POFUT1: variants seen among roughly 807,000 people sequenced by gnomAD.
POFUT1 encodes GDP-fucose protein O-fucosyltransferase 1.
Under a neutral mutation model 42.4 loss-of-function variants are expected in POFUT1, and 16 were observed. The ratio of observed to expected loss-of-function variants is 0.38; its 90% CI spans 0.26 to 0.57. The LOEUF is 0.57. POFUT1 is among the 20% of genes least tolerant of loss of function. POFUT1 has a pLI of 0.71. For missense variants in POFUT1, 470 were observed against 504.6 expected, an observed-to-expected ratio of 0.93 and a Z score of 0.66; for synonymous variants, 206 against 205.4, an observed-to-expected ratio of 1.00 and a Z score of -0.03.
chr20:32,222,251 G>A (rs979617292), intron 4 of POFUT1, among the ~76,000 whole-genome samples: 5 of 152,126 alleles, frequency 3.3e-5, no homozygotes, highest in South Asian at 2.1e-4. Context: ...TGCAGTGAGC[G>A]GAGATCCTGC....
rs765226682 is a variant in POFUT1 at position 32,234,691 on chromosome 20, C to G, written c.*30C>G. 8 of 1,558,216 alleles carry G rather than the reference C, an allele frequency of 5.1e-6. No homozygotes were observed. Among genetic ancestry groups the G allele is most frequent in the Non-Finnish European group, 7.0e-6 (8 of 1,148,178 alleles). Reference sequence around the variant, plus strand: ...GGCCGGAGCACCAGACCCTCTGATCCTGGAGGGACCAGAGTCTGAGCTGGT... The same window carrying G: ...GGCCGGAGCACCAGACCCTCTGATCGTGGAGGGACCAGAGTCTGAGCTGGT... On this transcript the variant is annotated 3_prime_UTR_variant, in exon 7 of 7. Coordinates refer to ENST00000375749, the MANE Select transcript of POFUT1 (RefSeq NM_015352.2).
At chr20:32,221,363 A>G (rs186130630) in intron 4 of POFUT1, among the ~76,000 whole-genome samples, 7 of 152,216 alleles carry the variant, frequency 4.6e-5, no homozygotes, top group East Asian at 3.9e-4. Context: ...TGTCCCATCT[A>G]TAAAATGAAG....
At chr20:32,218,282 A>G (rs922156114) in intron 4 of POFUT1, among the ~76,000 whole-genome samples, 2 of 152,162 alleles carry the variant, frequency 1.3e-5, no homozygotes, top group African/African-American at 4.8e-5. Context: ...GAGTGCAGGC[A>G]TGTGCCACCA....
intron 4 of POFUT1, among the ~76,000 whole-genome samples, chr20:32,226,335 A>G (rs2047414622): frequency 6.6e-6 from 1 of 152,160 alleles, no homozygotes; most frequent in Admixed American, 6.5e-5. Context: ...AATTTCCCCC[A>G]ATGGTAACAT....
intron 5 of POFUT1, among the ~76,000 whole-genome samples, chr20:32,230,530 A>G (rs771159572): frequency 1.3e-5 from 2 of 151,022 alleles, no homozygotes; most frequent in African/African-American, 2.4e-5. Context: ...CTCCATCTCT[A>G]CTAAAAATAC....
chr20:32,223,145 A>G, intron 4 of POFUT1: 1 of 985,454 alleles, frequency 1.0e-6, no homozygotes, highest in African/African-American at 1.7e-5. Flanking sequence ...CATGGTGGTG[A>G]AGAATCCCAG....
chr20:32,232,969 C>T (rs1217420134), intron 6 of POFUT1, among the ~76,000 whole-genome samples: 1 of 152,170 alleles, frequency 6.6e-6, no homozygotes, highest in Non-Finnish European at 1.5e-5. Context: ...CATTCTAGAC[C>T]CAGGAAAAGA....
At position 32,237,710 on chromosome 20, in the gene POFUT1, C is replaced by T. The variant is rs1349704947; in HGVS notation, c.*3049C>T. The stretch of plus-strand genomic sequence containing the variant: ...CTGATTCACATTCTGAAGGACCTCT[C>T]TAGCTGGCCAGTGCTGAGGAGGTTG... On this transcript the variant is annotated 3_prime_UTR_variant, in exon 7 of 7. Coordinates refer to ENST00000375749, the MANE Select transcript of POFUT1 (RefSeq NM_015352.2). The T allele has an allele frequency of 2.0e-6, 1 of 511,504 alleles. No individual in the cohort carries two copies. The highest frequency in any genetic ancestry group is 4.0e-6 in the Non-Finnish European group (1 of 247,104). 31.7% of individuals were successfully genotyped at this position (511,504 alleles called of 1,614,324 possible). A position where few individuals can be genotyped will look rare whatever the true frequency, so the allele number is the denominator to read the frequency against.
Position 32,207,953 on chromosome 20 carries a change from C to T in POFUT1, c.12C>T (p.Ala4=). 1.3e-6 allele frequency: 2 copies of T among 1,589,144 alleles called. No individual in the cohort carries two copies. Among genetic ancestry groups the T allele is most frequent in the Middle Eastern group, 1.9e-4 (1 of 5,368 alleles). The change falls in exon 1 of 7, where the codon GCC becomes GCT. Residue 4 remains alanine, a synonymous_variant. Transcript: ENST00000375749. MGA[A]AWARPLSVSF... ...GTTCCCGGGCCGACATGGGCGCCGC[C>T]GCGTGGGCACGGCCGCTGAGCGTGT...
chr20:32,217,127 T>C (rs1009612192), intron 4 of POFUT1: 11 of 1,590,066 alleles, frequency 6.9e-6, no homozygotes, highest in Non-Finnish European at 9.4e-6. Context: ...ATTGGACGTG[T>C]TTATTAATTG....
chr20:32,234,255 GGT>G (rs549273235), intron 6 of POFUT1, among the ~76,000 whole-genome samples: 121 of 152,368 alleles, frequency 7.9e-4, no homozygotes, highest in Middle Eastern at 3.4e-3. Context: ...AGGTGTGAAT[GGT>G]GTGTTTGGAG....
intron 4 of POFUT1, among the ~76,000 whole-genome samples, chr20:32,225,726 G>C (rs1004786995): frequency 1.1e-4 from 17 of 152,054 alleles, no homozygotes; most frequent in African/African-American, 4.1e-4. Flanking sequence ...CTGGGCTCAA[G>C]TGATCTGCCC....
chr20:32,228,488 T>C, intron 5 of POFUT1, 33 bp downstream of exon 5: 1 of 1,592,462 alleles, frequency 6.3e-7, no homozygotes, highest in Non-Finnish European at 8.6e-7. Flanking sequence ...ACTGGCTAAC[T>C]TGGATGTGTC....
chr20:32,232,297 A>T (rs915206848), intron 6 of POFUT1, among the ~76,000 whole-genome samples: 5 of 148,732 alleles, frequency 3.4e-5, no homozygotes. Context: ...CGAGACCCCC[A>T]TCTCTATTTA....
chr20:32,213,503 T>C (rs894876539), intron 2 of POFUT1, among the ~76,000 whole-genome samples: 1 of 149,370 alleles, frequency 6.7e-6, no homozygotes, highest in Non-Finnish European at 1.5e-5. Context: ...CTGGGCGCAG[T>C]GGCTCACGCC....
chr20:32,222,969 A>C (rs1271418418), intron 4 of POFUT1: 6 of 984,978 alleles, frequency 6.1e-6, no homozygotes, highest in Non-Finnish European at 7.2e-6. Context: ...GCAGTCCTTC[A>C]TGGCAGGGAC....
Position 32,230,874 on chromosome 20 carries a change from C to T in POFUT1, c.791C>T (p.Ser264Phe), listed in dbSNP as rs770760603. 10 of 1,614,190 alleles carry T rather than the reference C, an allele frequency of 6.2e-6. No homozygotes were observed. Among genetic ancestry groups the T allele is most frequent in the Middle Eastern group, 1.6e-4 (1 of 6,062 alleles). ...ACTGCAGGCTCGCACTTCATGGCCTCTCCGCAGTGTGTGGGCTACAGCCGC... is the reference window on the plus strand; with the variant it reads ...ACTGCAGGCTCGCACTTCATGGCCTTTCCGCAGTGTGTGGGCTACAGCCGC... ...DGTAGSHFMA[S>F]PQCVGYSRST... is the part of the protein sequence containing the mutation. The change falls in exon 6 of 7, where the codon TCT becomes TTT. Residue 264 changes from serine to phenylalanine, a missense_variant. Physicochemically the swap from Ser to Phe is radical, Grantham distance 155. Transcript: ENST00000375749.
chr20:32,216,553 T>TCCCCAAATGGCTTTCCCTCC, intron 3 of POFUT1, 56 bp from the exon 4 acceptor site: 1 of 1,071,868 alleles, frequency 9.3e-7, no homozygotes, highest in Non-Finnish European at 1.5e-6. Flanking sequence ...CCTGGCCCCA[T>TCCCCAAATGGCTTTCCCTCC]CCCCAAATGG....
rs370479668 is a variant in POFUT1 at position 32,230,845 on chromosome 20, C to T, written c.762C>T (p.Asp254=). 2.8e-5 allele frequency: 45 copies of T among 1,613,852 alleles called. No homozygotes were observed. The highest frequency in any genetic ancestry group is 2.5e-4 in the African/African-American group (19 of 74,938). ...DWKNACAMLK[D]GTAGSHFMAS... ...AGAACGCCTGTGCCATGCTGAAGGA[C>T]GGGACTGCAGGCTCGCACTTCATGG... Residue 254 remains aspartate (D), a synonymous_variant, in exon 6 of 7, where the codon GAC becomes GAT. Transcript: ENST00000375749.
Sources: gnomAD v4.1 joint callset for allele counts (sites outside exome capture counted in the v4.1 genomes callset) on GRCh38, gnomAD v4.1.1 for gene constraint, MANE v1.5 for transcripts, NCBI Gene and HGNC (gene_info 2026-07-23, HGNC 2026-07-21) for gene names.